Variants in BCAS3 observed in about 807,000 individuals in gnomAD.
The protein encoded by BCAS3 is BCAS3 microtubule associated cell migration factor, also known as BCAS4/BCAS3 fusion.
Under a neutral mutation model 116.1 loss-of-function variants are expected in BCAS3, and 53 were observed. The ratio of observed to expected loss-of-function variants is 0.46; its 90% CI spans 0.37 to 0.57. The LOEUF is 0.57. Ranked by LOEUF, BCAS3 falls within the 20% of genes least tolerant of loss-of-function variation. BCAS3 has a pLI of 0.00. For missense variants in BCAS3, 917 were observed against 1,165.4 expected (o/e 0.79, Z 3.10); for synonymous variants, 391 against 408.2 (o/e 0.96, Z 0.51).
At chr17:61,045,181 ATTTACAAAACC>A (rs2067931270) in intron 19 of BCAS3, among the ~76,000 whole-genome samples, 1 of 151,978 alleles carries the variant, frequency 6.6e-6, no homozygotes, top group African/African-American at 2.4e-5. Flanking sequence ...TTTTGGTACA[ATTTACAAAACC>A]TTTTTTGTAT....
intron 17 of BCAS3, among the ~76,000 whole-genome samples, chr17:61,036,663 C>T (rs1450911787): frequency 6.6e-6 from 1 of 152,154 alleles, no homozygotes; most frequent in Non-Finnish European, 1.5e-5. Context: ...ACCTACCCAG[C>T]ATTCATGAGT....
intron 22 of BCAS3, among the ~76,000 whole-genome samples, chr17:61,111,702 C>T (rs2075104408): frequency 7.3e-6 from 1 of 136,608 alleles, no homozygotes; most frequent in South Asian, 2.7e-4. Context: ...TCTAGCAAGG[C>T]AGGCCAACGT....
chr17:61,014,740 A>G (rs2065335271), intron 15 of BCAS3, among the ~76,000 whole-genome samples: 1 of 152,090 alleles, frequency 6.6e-6, no homozygotes, highest in Non-Finnish European at 1.5e-5. Context: ...GAAAATCCTT[A>G]GGAATCCAGA....
rs927437597 is a variant in BCAS3, at chr17:61,256,797, C to G, written c.2426-111530C>G. ...TTTCAGGGTTGTTGGTATGCCATGGCACAAGGACCCAAAGTGATCTTCTCA... is the reference window on the plus strand; with the variant it reads ...TTTCAGGGTTGTTGGTATGCCATGGGACAAGGACCCAAAGTGATCTTCTCA... On this transcript the variant is annotated intron_variant, in intron 22 of 23. Coordinates refer to ENST00000407086, the MANE Select transcript of BCAS3 (RefSeq NM_017679.5). This position sits in a 1 kb window ranked among gnomAD's most constrained non-coding sequence, Gnocchi z 5.6. Among the ~76,000 whole-genome samples, 3 of 152,098 alleles carry G rather than the reference C, an allele frequency of 2.0e-5. No homozygotes were observed. Among genetic ancestry groups the G allele is most frequent in the Non-Finnish European group, 4.4e-5 (3 of 68,016 alleles).
rs149484771 is a variant in BCAS3 at position 60,954,036 on chromosome 17, T to C, written c.1221+6684T>C. 6.4e-4 allele frequency among the ~76,000 whole-genome samples: 98 copies of C among 152,260 alleles called. 1 individual carries two copies. The East Asian group carries it at 0.017, about 26-fold the overall frequency. On this transcript the variant is annotated intron_variant, in intron 14 of 23. Coordinates refer to ENST00000407086, the MANE Select transcript of BCAS3 (RefSeq NM_017679.5). ...GGCGTGAGCCACTGGAGTTGATTTTTTATATGATGTAAGGAAGGGGTTCAG... is the reference window on the plus strand; with the variant it reads ...GGCGTGAGCCACTGGAGTTGATTTTCTATATGATGTAAGGAAGGGGTTCAG...
chr17:60,759,137 C>A (rs1598501740), intron 6 of BCAS3, among the ~76,000 whole-genome samples: 2 of 152,108 alleles, frequency 1.3e-5, no homozygotes, highest in East Asian at 3.9e-4. Flanking sequence ...CCACACCCAG[C>A]TAATTTTTGT....
At position 61,171,103 on chromosome 17, in the gene BCAS3, A is replaced by G. The variant is rs777267739; in HGVS notation, c.2425+86539A>G. Among the ~76,000 whole-genome samples the G allele has an allele frequency of 3.3e-5, 5 of 152,132 alleles. No individual in the cohort carries two copies. Among genetic ancestry groups the G allele is most frequent in the Non-Finnish European group, 7.4e-5 (5 of 68,020 alleles). On this transcript the variant is annotated intron_variant, in intron 22 of 23. Transcript: ENST00000407086. The surrounding 1 kb of genome is among the most constrained non-coding windows in gnomAD (Gnocchi z 4.1). ...AAATTCCTGTAGCCTTCCTTGCTTA[A>G]AAAAAAGCAAGACCCACGGCACCTC...
chr17:60,743,855 T>C (rs1459493097), intron 5 of BCAS3, among the ~76,000 whole-genome samples: 3 of 152,206 alleles, frequency 2.0e-5, no homozygotes, highest in Admixed American at 6.5e-5. Flanking sequence ...AGTTGTGAGA[T>C]TCTAAACTTG....
intron 14 of BCAS3, 83 bp downstream of exon 14, chr17:60,947,435 C>A: frequency 7.4e-7 from 1 of 1,343,990 alleles, no homozygotes; most frequent in African/African-American, 1.4e-5. Flanking sequence ...TACATTGCAG[C>A]TTAATGTTGA....
In BCAS3 at chr17:61,021,355, C is replaced by T. The variant is rs12937849; in HGVS notation, c.1637+5454C>T. Among the ~76,000 whole-genome samples, 1,095 of 152,164 alleles carry T rather than the reference C, an allele frequency of 7.2e-3. 9 individuals carry two copies. Among genetic ancestry groups the T allele is most frequent in the Non-Finnish European group, 0.011 (765 of 67,982 alleles). ...GATTATAGGCATGAGCAACCGCACC[C>T]GGCCATGTTTATTCATTTCTTTGTG... On this transcript the variant is annotated intron_variant, in intron 16 of 23. Coordinates refer to ENST00000407086, the MANE Select transcript of BCAS3 (RefSeq NM_017679.5). The surrounding 1 kb of genome is among the most constrained non-coding windows in gnomAD (Gnocchi z 4.6).
At chr17:61,173,939 C>T (rs911459959) in intron 22 of BCAS3, among the ~76,000 whole-genome samples, 1 of 152,052 alleles carries the variant, frequency 6.6e-6, no homozygotes, top group Non-Finnish European at 1.5e-5. Context: ...TAAATAAAAA[C>T]AGAAAAACAA....
intron 22 of BCAS3, among the ~76,000 whole-genome samples, chr17:61,360,492 T>G (rs2058397589): frequency 6.6e-6 from 1 of 152,224 alleles, no homozygotes; most frequent in South Asian, 2.1e-4. Flanking sequence ...GCTAGCATTC[T>G]GAAATCGGGG....
chr17:61,020,243 T>C lies in BCAS3; in HGVS notation c.1637+4342T>C, dbSNP rs1937892355. On this transcript the variant is annotated intron_variant, in intron 16 of 23. Coordinates refer to ENST00000407086, the MANE Select transcript of BCAS3 (RefSeq NM_017679.5). The surrounding 1 kb of genome is among the most constrained non-coding windows in gnomAD (Gnocchi z 4.5). ...TGTTTACCATATTCAACATCTGCCT[T>C]CTTATGTTTGCAAATACATATGCCT... Among the ~76,000 whole-genome samples the C allele has an allele frequency of 6.6e-6, 1 of 152,202 alleles. No homozygotes were observed. The highest frequency in any genetic ancestry group is 1.5e-5 in the Non-Finnish European group (1 of 68,024).
In BCAS3 at chr17:60,882,168, A is replaced by G. The variant is rs1028238126; in HGVS notation, c.661+7430A>G. On this transcript the variant is annotated intron_variant, in intron 9 of 23. Coordinates refer to ENST00000407086, the MANE Select transcript of BCAS3 (RefSeq NM_017679.5). ...TGAGATGGTATCTCATTGTGGTTTT[A>G]ATTTGCATTTCTCTGATGGCCAATG... Among the ~76,000 whole-genome samples the G allele has an allele frequency of 7.9e-5, 12 of 152,124 alleles. No individual in the cohort carries two copies. In the South Asian group the frequency reaches 1.2e-3, roughly 16 times the overall value.
At chr17:60,733,133 T>C (rs2040627060) in intron 5 of BCAS3, among the ~76,000 whole-genome samples, 1 of 152,238 alleles carries the variant, frequency 6.6e-6, no homozygotes, top group Non-Finnish European at 1.5e-5. Flanking sequence ...TTAACAAATA[T>C]ACAATTTATA....
Position 61,329,464 on chromosome 17 carries a change from C to A in BCAS3, c.2426-38863C>A, listed in dbSNP as rs556589049. Among the ~76,000 whole-genome samples, 3 of 151,934 alleles carry A rather than the reference C, an allele frequency of 2.0e-5. No individual in the cohort carries two copies. In the East Asian group the frequency reaches 5.9e-4, roughly 30 times the overall value. On this transcript the variant is annotated intron_variant, in intron 22 of 23. Coordinates refer to ENST00000407086, the MANE Select transcript of BCAS3 (RefSeq NM_017679.5). ...CACGCCATTCTCCTGCCTCAGCCCC[C>A]CAAGTAACTGGGACTACAGGCGCCC...
rs1037727186 is a variant in BCAS3, at chr17:61,145,013, A to G, written c.2425+60449A>G. Among the ~76,000 whole-genome samples the G allele has an allele frequency of 6.6e-6, 1 of 152,256 alleles. No homozygotes were observed. Among genetic ancestry groups the G allele is most frequent in the African/African-American group, 2.4e-5 (1 of 41,480 alleles). On this transcript the variant is annotated intron_variant, in intron 22 of 23. Coordinates refer to ENST00000407086, the MANE Select transcript of BCAS3 (RefSeq NM_017679.5). This position sits in a 1 kb window ranked among gnomAD's most constrained non-coding sequence, Gnocchi z 5.0. ...CTTATCAGAAATATTCATTTAGACC[A>G]TAACAACTGTTAGAACAAGATAACA...
chr17:61,266,817 C>G (rs2049761815), intron 22 of BCAS3, among the ~76,000 whole-genome samples: 1 of 152,126 alleles, frequency 6.6e-6, no homozygotes, highest in Non-Finnish European at 1.5e-5. Context: ...CACCCTTTTT[C>G]CATAGTTGCA....
At chr17:60,795,881 G>C (rs1001304669) in intron 6 of BCAS3, among the ~76,000 whole-genome samples, 3 of 151,882 alleles carry the variant, frequency 2.0e-5, no homozygotes, top group Non-Finnish European at 4.4e-5. Flanking sequence ...GTAGAGACAG[G>C]GTTTCACCAT....
Sources: gnomAD v4.1 joint callset for allele counts (sites outside exome capture counted in the v4.1 genomes callset) on GRCh38, gnomAD v4.1.1 for gene constraint, Gnocchi (gnomAD v3.1) non-coding constraint, MANE v1.5 for transcripts, NCBI Gene and HGNC (gene_info 2026-07-23, HGNC 2026-07-21) for gene names.